The following LRRC4C variants were observed in gnomAD, a reference collection of about 807,000 sequenced individuals.
LRRC4C encodes the protein leucine rich repeat containing 4C.
LRRC4C carries 5 observed loss-of-function variants against 33.6 expected under a neutral mutation model. That is an observed-to-expected ratio of 0.15 (90% CI 0.08 to 0.31). The LOEUF (loss-of-function observed/expected upper bound fraction) is 0.31, where lower values mean the gene tolerates loss of function less well. LRRC4C is among the 10% of genes least tolerant of loss of function. LRRC4C has a pLI of 1.00. For synonymous variants in LRRC4C, 329 were observed against 302.0 expected (o/e 1.09, Z -0.93); for missense variants, 560 against 796.7 (o/e 0.70, Z 3.58).
intron 3 of LRRC4C, among the ~76,000 whole-genome samples, chr11:40,422,834 G>A (rs1174597844): frequency 6.6e-6 from 1 of 152,126 alleles, no homozygotes; most frequent in Non-Finnish European, 1.5e-5. Flanking sequence ...TAAACCAGTA[G>A]TGAGCTGAGC....
intron 1 of LRRC4C, among the ~76,000 whole-genome samples, chr11:41,423,266 G>A (rs756625155): frequency 6.6e-6 from 1 of 152,014 alleles, no homozygotes; most frequent in Non-Finnish European, 1.5e-5. Context: ...AATGGAGTGG[G>A]TAGGAGTAGT....
At chr11:41,304,590 G>A (rs1171462469) in intron 1 of LRRC4C, among the ~76,000 whole-genome samples, 42 of 108,140 alleles carry the variant, frequency 3.9e-4, no homozygotes, top group African/African-American at 1.3e-3. Flanking sequence ...TCAGCCCCCC[G>A]CCCGGCCAGC....
At chr11:41,437,410 A>C (rs1955463823) in intron 1 of LRRC4C, among the ~76,000 whole-genome samples, 1 of 89,008 alleles carries the variant, frequency 1.1e-5, no homozygotes, top group African/African-American at 4.7e-5. Flanking sequence ...CACACACACA[A>C]ACGCGCGCGC....
rs775476286 is a variant in LRRC4C at position 40,682,754 on chromosome 11, A to AAAT, written c.-406-34479_-406-34477dup. Among the ~76,000 whole-genome samples the AAAT allele has an allele frequency of 8.0e-3, 1,053 of 131,100 alleles. 13 individuals are homozygous for AAAT. Among genetic ancestry groups the AAAT allele is most frequent in the African/African-American group, 0.044 (1,010 of 22,948 alleles). 86.0% of individuals were successfully genotyped at this position (131,100 alleles called of 152,430 possible). A position where few individuals can be genotyped will look rare whatever the true frequency, so the allele number is the denominator to read the frequency against. ...AGAGGGAGACTCTGTCTCAATAAAT[A>AAAT]AATAAATAAATAAATAAATAAATAA... is the stretch of plus-strand genomic sequence containing the variant. On this transcript the variant is annotated intron_variant, in intron 2 of 6. Coordinates refer to ENST00000528697, the MANE Select transcript of LRRC4C (RefSeq NM_001258419.2).
intron 1 of LRRC4C, among the ~76,000 whole-genome samples, chr11:40,996,750 G>A (rs1182832646): frequency 6.6e-6 from 1 of 152,140 alleles, no homozygotes; most frequent in African/African-American, 2.4e-5. Flanking sequence ...GGGGGAACAG[G>A]AGTGTCACAT....
At chr11:41,136,430 C>T (rs1490995556) in intron 1 of LRRC4C, among the ~76,000 whole-genome samples, 2 of 152,068 alleles carry the variant, frequency 1.3e-5, no homozygotes, top group South Asian at 2.1e-4. Flanking sequence ...GGAAATACAA[C>T]TAGAGGGATA....
chr11:40,222,830 A>G (rs1483110660), intron 5 of LRRC4C, among the ~76,000 whole-genome samples: 1 of 144,308 alleles, frequency 6.9e-6, no homozygotes, highest in Non-Finnish European at 1.5e-5. Context: ...GGGGAAGATC[A>G]AGAGATGTTT....
rs34081145 is a variant in LRRC4C at position 41,181,373 on chromosome 11, GA to G, written c.-495-247651del. Among the ~76,000 whole-genome samples the G allele has an allele frequency of 2.0e-3, 308 of 151,968 alleles. 1 individual carries two copies. The highest frequency in any genetic ancestry group is 7.1e-3 in the African/African-American group (296 of 41,480). On this transcript the variant is annotated intron_variant, in intron 1 of 6. Transcript: ENST00000528697. ...GGAAAAAACAGATTTTCCAGAGGGG[GA>G]AAAAAAGGCATCCAACGCCATATTC...
chr11:41,340,783 T>C (rs1479499712), intron 1 of LRRC4C, among the ~76,000 whole-genome samples: 1 of 152,212 alleles, frequency 6.6e-6, no homozygotes, highest in East Asian at 1.9e-4. Flanking sequence ...ATTTAAGTGT[T>C]ATAAGGAGAG....
At chr11:40,801,137 T>C (rs1951024293) in intron 2 of LRRC4C, among the ~76,000 whole-genome samples, 1 of 152,180 alleles carries the variant, frequency 6.6e-6, no homozygotes, top group South Asian at 2.1e-4. Flanking sequence ...GAAAAACAAA[T>C]GTAGATATAC....
Position 41,036,995 on chromosome 11 carries a change from A to G in LRRC4C, c.-495-103272T>C, listed in dbSNP as rs1238320209. Reference sequence around the variant, plus strand: ...AGACAATGAAAGGCTCAAACACAATAGAAGCAAATAACCTGGAGTGGTACC... The same window carrying G: ...AGACAATGAAAGGCTCAAACACAATGGAAGCAAATAACCTGGAGTGGTACC... On this transcript the variant is annotated intron_variant, in intron 1 of 6. Transcript: ENST00000528697. 3.5e-5 allele frequency among the ~76,000 whole-genome samples: 5 copies of G among 143,338 alleles called. No homozygotes were observed. The South Asian group carries it at 9.6e-4, about 27-fold the overall frequency. The allele number at this position is 143,338 out of a possible 152,430, so 94.0% of individuals were successfully genotyped here. A position where few individuals can be genotyped will look rare whatever the true frequency, so the allele number is the denominator to read the frequency against.
chr11:40,367,401 A>G (rs1478824514), intron 3 of LRRC4C, among the ~76,000 whole-genome samples: 1 of 152,132 alleles, frequency 6.6e-6, no homozygotes, highest in Non-Finnish European at 1.5e-5. Context: ...ATTACACAAG[A>G]AAAAGGTCCC....
At chr11:40,409,447 G>C (rs1249627038) in intron 3 of LRRC4C, among the ~76,000 whole-genome samples, 1 of 151,912 alleles carries the variant, frequency 6.6e-6, no homozygotes, top group Non-Finnish European at 1.5e-5. Flanking sequence ...GCAGAGTGAA[G>C]AGACAACCTA....
At position 40,418,988 on chromosome 11, in the gene LRRC4C, G is replaced by T. The variant is rs533315163; in HGVS notation, c.-269-99267C>A. On this transcript the variant is annotated intron_variant, in intron 3 of 6. Coordinates refer to ENST00000528697, the MANE Select transcript of LRRC4C (RefSeq NM_001258419.2). Reference sequence around the variant, plus strand: ...GGGCCTGGTGGTCGGGGGATAGGGGGAGGGAGAGCATCAGGATAAATAGCT... The same window carrying T: ...GGGCCTGGTGGTCGGGGGATAGGGGTAGGGAGAGCATCAGGATAAATAGCT... Among the ~76,000 whole-genome samples the T allele has an allele frequency of 2.0e-5, 3 of 152,234 alleles. No individual in the cohort carries two copies. The East Asian group carries it at 5.8e-4, about 29-fold the overall frequency.
intron 4 of LRRC4C, among the ~76,000 whole-genome samples, chr11:40,256,012 A>G (rs907313817): frequency 6.6e-6 from 1 of 152,220 alleles, no homozygotes; most frequent in African/African-American, 2.4e-5. Flanking sequence ...TACTATTCTT[A>G]AATACAGAGT....
chr11:41,446,884 T>C (rs1217523067), intron 1 of LRRC4C, among the ~76,000 whole-genome samples: 3 of 152,168 alleles, frequency 2.0e-5, no homozygotes, highest in African/African-American at 4.8e-5. Context: ...CAAAAGACCA[T>C]CTGTTTTAAG....
chr11:40,708,999 T>A (rs151077743), intron 2 of LRRC4C, among the ~76,000 whole-genome samples: 1 of 152,340 alleles, frequency 6.6e-6, no homozygotes, highest in African/African-American at 2.4e-5. Context: ...CTTTAAAGTC[T>A]GTTTTATCAG....
chr11:41,037,007 C>T (rs1288144762), intron 1 of LRRC4C, among the ~76,000 whole-genome samples: 4 of 112,254 alleles, frequency 3.6e-5, no homozygotes, highest in Non-Finnish European at 7.9e-5. Context: ...AAGCAAATAA[C>T]CTGGAGTGGT....
chr11:40,188,045 T>C (rs1861547565), intron 5 of LRRC4C, among the ~76,000 whole-genome samples: 1 of 152,188 alleles, frequency 6.6e-6, no homozygotes, highest in African/African-American at 2.4e-5. Context: ...ATAAAATAAC[T>C]AATTAGATGA....
Sources: gnomAD v4.1 joint callset for allele counts (sites outside exome capture counted in the v4.1 genomes callset) on GRCh38, gnomAD v4.1.1 for gene constraint, MANE v1.5 for transcripts, NCBI Gene and HGNC (gene_info 2026-07-23, HGNC 2026-07-21) for gene names.